Variants in HTR7 observed in about 807,000 individuals in gnomAD.
HTR7 encodes the protein 5-hydroxytryptamine receptor 7.
Under a neutral mutation model 34.0 loss-of-function variants are expected in HTR7, and 16 were observed. That is an observed-to-expected ratio of 0.47 (90% CI 0.32 to 0.71). The LOEUF is 0.71. Ranked by LOEUF, HTR7 falls within the 30% of genes least tolerant of loss-of-function variation. The pLI is 0.04. For synonymous variants in HTR7, 265 were observed against 260.2 expected (o/e 1.02, Z -0.18); for missense variants, 504 against 625.5 (o/e 0.81, Z 2.07).
Position 90,771,848 on chromosome 10 carries a change from C to G in HTR7, c.540-22254G>C, listed in dbSNP as rs550858333. On this transcript the variant is annotated intron_variant, in intron 1 of 3. Coordinates refer to ENST00000336152, the MANE Select transcript of HTR7 (RefSeq NM_019859.4). ...CCAAGCAAAACTCAGGCAAACGCAC[C>G]ACCAGACAGAGGTTTCCAGCCAGAG... Among the ~76,000 whole-genome samples, 146 of 152,148 alleles carry G rather than the reference C, an allele frequency of 9.6e-4. 1 individual carries two copies. Among genetic ancestry groups the G allele is most frequent in the African/African-American group, 3.4e-3 (141 of 41,494 alleles).
intron 1 of HTR7, among the ~76,000 whole-genome samples, chr10:90,770,073 A>AC (rs1845083705): frequency 6.6e-6 from 1 of 152,172 alleles, no homozygotes; most frequent in Non-Finnish European, 1.5e-5. Context: ...GCCAGACGGA[A>AC]CCTGCCCCCA....
chr10:90,813,823 C>T (rs1268601201), intron 1 of HTR7, among the ~76,000 whole-genome samples: 3 of 152,158 alleles, frequency 2.0e-5, no homozygotes, highest in Non-Finnish European at 4.4e-5. Flanking sequence ...CAGGCAAAGA[C>T]TCCATTTGCC....
intron 1 of HTR7, among the ~76,000 whole-genome samples, chr10:90,790,428 G>C (rs1387851415): frequency 6.6e-6 from 1 of 152,092 alleles, no homozygotes; most frequent in African/African-American, 2.4e-5. Flanking sequence ...ATTCAGACCT[G>C]TATATGTCTA....
intron 1 of HTR7, among the ~76,000 whole-genome samples, chr10:90,787,154 G>T (rs1421999124): frequency 6.6e-6 from 1 of 152,008 alleles, no homozygotes; most frequent in Non-Finnish European, 1.5e-5. Flanking sequence ...TAAAGAGGAG[G>T]GCCTACTATG....
intron 1 of HTR7, among the ~76,000 whole-genome samples, chr10:90,836,905 G>A (rs1056865794): frequency 6.6e-6 from 1 of 152,162 alleles, no homozygotes; most frequent in African/African-American, 2.4e-5. Context: ...AACAACTTAT[G>A]TAAGGTCATA....
intron 1 of HTR7, among the ~76,000 whole-genome samples, chr10:90,827,032 A>G (rs993467334): frequency 3.9e-5 from 6 of 152,038 alleles, no homozygotes; most frequent in African/African-American, 1.2e-4. Flanking sequence ...CTTCAAAACA[A>G]AACAAAACAA....
intron 1 of HTR7, among the ~76,000 whole-genome samples, chr10:90,831,378 CAAGCCGGCACA>C (rs1846172633): frequency 6.6e-6 from 1 of 151,402 alleles, no homozygotes; most frequent in Non-Finnish European, 1.5e-5. Context: ...TGTTACAGCT[CAAGCCGGCACA>C]TCTGGAGTTG....
intron 1 of HTR7, among the ~76,000 whole-genome samples, chr10:90,786,995 T>C (rs1845389922): frequency 6.6e-6 from 1 of 151,878 alleles, no homozygotes; most frequent in African/African-American, 2.4e-5. Flanking sequence ...AGATACCTCT[T>C]TAGAATGAGT....
Position 90,753,546 on chromosome 10 carries a change from C to T in HTR7, c.540-3952G>A, listed in dbSNP as rs181279281. ...AACTGAAAAAGCAATCATTCTATTA[C>T]GTTGCTATTGGGAATGTCAACTGAA... On this transcript the variant is annotated intron_variant, in intron 1 of 3. Coordinates refer to ENST00000336152, the MANE Select transcript of HTR7 (RefSeq NM_019859.4). 2.7e-3 allele frequency among the ~76,000 whole-genome samples: 406 copies of T among 152,242 alleles called. 5 individuals are homozygous for T. Among genetic ancestry groups the T allele is most frequent in the Non-Finnish European group, 8.2e-4 (56 of 68,016 alleles).
At chr10:90,843,190 T>TTCCC (rs1846357026) in intron 1 of HTR7, among the ~76,000 whole-genome samples, 2 of 151,914 alleles carry the variant, frequency 1.3e-5, no homozygotes, top group Admixed American at 6.6e-5. Flanking sequence ...TCCTTCTTCC[T>TTCCC]TCCCTCCCTC....
intron 1 of HTR7, among the ~76,000 whole-genome samples, chr10:90,838,427 G>A (rs1846282734): frequency 1.3e-5 from 2 of 152,056 alleles, no homozygotes; most frequent in African/African-American, 2.4e-5. Context: ...TCCAAGCTAC[G>A]ATTACCTCTT....
chr10:90,759,762 A>C (rs1844903911), intron 1 of HTR7, among the ~76,000 whole-genome samples: 1 of 152,218 alleles, frequency 6.6e-6, no homozygotes, highest in African/African-American at 2.4e-5. Context: ...AGCATAACAG[A>C]ATGTAAATTT....
rs1554855564 is a variant in HTR7 at position 90,802,995 on chromosome 10, C to CT, written c.540-53402_540-53401insA. Among the ~76,000 whole-genome samples the CT allele has an allele frequency of 2.5e-3, 316 of 124,624 alleles. 2 individuals carry two copies. The highest frequency in any genetic ancestry group is 8.3e-3 in the Middle Eastern group (2 of 242). 81.8% of individuals were successfully genotyped at this position (124,624 alleles called of 152,430 possible). A position where few individuals can be genotyped will look rare whatever the true frequency, so the allele number is the denominator to read the frequency against. On this transcript the variant is annotated intron_variant, in intron 1 of 3. Transcript: ENST00000336152. ...AAAATGAGTTGTACCCCATTTGTGGCCTTTTTTTTTTTTTTTTTTTTTTGC... is the reference window on the plus strand; with the variant it reads ...AAAATGAGTTGTACCCCATTTGTGGCTCTTTTTTTTTTTTTTTTTTTTTTGC...
chr10:90,743,833 G>C (rs192287403), intron 2 of HTR7, 143 bp from the exon 3 acceptor site: 96 of 750,180 alleles, frequency 1.3e-4, no homozygotes, highest in Admixed American at 5.1e-4. Context: ...AAAATTGATA[G>C]CAGTAAATTA....
chr10:90,811,190 G>A (rs374839064), intron 1 of HTR7, among the ~76,000 whole-genome samples: 9 of 152,210 alleles, frequency 5.9e-5, no homozygotes, highest in Admixed American at 2.0e-4. Flanking sequence ...CACAAGGACC[G>A]GGATCGCGTC....
rs1020794977 is a variant in HTR7, at chr10:90,857,069, G to A, written c.539+64C>T. 2.1e-6 allele frequency: 3 copies of A among 1,418,024 alleles called. No homozygotes were observed. Among genetic ancestry groups the A allele is most frequent in the African/African-American group, 2.9e-5 (2 of 69,236 alleles). The allele number at this position is 1,418,024 out of a possible 1,614,324, so 87.8% of individuals were successfully genotyped here. A position where few individuals can be genotyped will look rare whatever the true frequency, so the allele number is the denominator to read the frequency against. On this transcript the variant is annotated intron_variant, in intron 1 of 3. Transcript: ENST00000336152. This position sits in a 1 kb window ranked among gnomAD's most constrained non-coding sequence, Gnocchi z 6.5. ...CTTGATCCTCCCAGGAAAGGCGAGC[G>A]CGCGGGGCTGAGCTGCCAGCCGGTC...
intron 1 of HTR7, among the ~76,000 whole-genome samples, chr10:90,790,386 C>A (rs1845444853): frequency 6.6e-6 from 1 of 152,144 alleles, no homozygotes; most frequent in African/African-American, 2.4e-5. Context: ...AACAAGACTG[C>A]AGGTCTTTTT....
intron 1 of HTR7, among the ~76,000 whole-genome samples, chr10:90,755,987 G>C (rs968632743): frequency 6.6e-6 from 1 of 152,092 alleles, no homozygotes; most frequent in African/African-American, 2.4e-5. Flanking sequence ...TATAATAGTA[G>C]AATAAGTACA....
chr10:90,833,215 G>A lies in HTR7; in HGVS notation c.539+23918C>T, dbSNP rs1046814861. ...CAAGGTCAGCCCCTACTCCACCACTGTAGAGAATATTCCAGAGTGTCGAGA... is the reference window on the plus strand; with the variant it reads ...CAAGGTCAGCCCCTACTCCACCACTATAGAGAATATTCCAGAGTGTCGAGA... On this transcript the variant is annotated intron_variant, in intron 1 of 3. Coordinates refer to ENST00000336152, the MANE Select transcript of HTR7 (RefSeq NM_019859.4). Among the ~76,000 whole-genome samples, 5 of 152,200 alleles carry A rather than the reference G, an allele frequency of 3.3e-5. No individual in the cohort carries two copies. The South Asian group carries it at 1.0e-3, about 31-fold the overall frequency.
Sources: gnomAD v4.1 joint callset for allele counts (sites outside exome capture counted in the v4.1 genomes callset) on GRCh38, gnomAD v4.1.1 for gene constraint, Gnocchi (gnomAD v3.1) non-coding constraint, MANE v1.5 for transcripts, NCBI Gene and HGNC (gene_info 2026-07-23, HGNC 2026-07-21) for gene names.